Variants in CRTC3 observed in about 807,000 individuals in gnomAD.
CRTC3 encodes the protein CREB regulated transcription coactivator 3.
Under a neutral mutation model 74.5 loss-of-function variants are expected in CRTC3, and 26 were observed. The ratio of observed to expected loss-of-function variants is 0.35; its 90% CI spans 0.26 to 0.48. The LOEUF is 0.48. Among genes scored for constraint, CRTC3 ranks in the 20% least tolerant of loss-of-function variants. CRTC3 has a pLI of 0.99. For missense variants in CRTC3, 760 were observed against 787.3 expected (o/e 0.97, Z 0.41); for synonymous variants, 377 against 325.8 (o/e 1.16, Z -1.69).
intron 9 of CRTC3, among the ~76,000 whole-genome samples, chr15:90,623,143 C>T (rs954443480): frequency 6.6e-6 from 1 of 152,158 alleles, no homozygotes; most frequent in African/African-American, 2.4e-5. Context: ...CCTGGCCCTC[C>T]TCCCGCTGGA....
intron 4 of CRTC3, among the ~76,000 whole-genome samples, chr15:90,604,032 A>G (rs1029440739): frequency 1.3e-5 from 2 of 152,036 alleles, no homozygotes; most frequent in Non-Finnish European, 2.9e-5. Context: ...TAACAATTCT[A>G]TTCCTCTTCA....
chr15:90,564,460 T>C (rs920405724), intron 2 of CRTC3, among the ~76,000 whole-genome samples: 2 of 152,208 alleles, frequency 1.3e-5, no homozygotes, highest in African/African-American at 4.8e-5. Context: ...GACCAGAAGC[T>C]AGACCCTCCT....
Position 90,638,442 on chromosome 15 carries a change from G to A in CRTC3, c.1267-4G>A, listed in dbSNP as rs1389152667. 4 of 1,613,534 alleles carry A rather than the reference G, an allele frequency of 2.5e-6. No individual in the cohort carries two copies. The highest frequency in any genetic ancestry group is 3.4e-6 in the Non-Finnish European group (4 of 1,179,668). On this transcript the variant is annotated splice_region_variant and splice_polypyrimidine_tract_variant and intron_variant, in intron 11 of 14. Transcript: ENST00000268184. ...ATTAGTGGCTTTGTGTGTTTGTTTT[G>A]CAGATGGTGTCCTCAGACCGAAGCC...
At chr15:90,638,079 G>A (rs1189359350) in intron 11 of CRTC3, 1 of 226,386 alleles carries the variant, frequency 4.4e-6, no homozygotes, top group Admixed American at 5.1e-5. Flanking sequence ...TGTTTTAACA[G>A]GATTTGGGGA....
chr15:90,535,875 TGAGGCTTAGA>T (rs1966711085), intron 1 of CRTC3, among the ~76,000 whole-genome samples: 1 of 152,160 alleles, frequency 6.6e-6, no homozygotes, highest in African/African-American at 2.4e-5. Context: ...ATGAGTAAAC[TGAGGCTTAGA>T]GAGGCATGGT....
chr15:90,555,749 T>G (rs1387243019), intron 2 of CRTC3, among the ~76,000 whole-genome samples: 2 of 152,202 alleles, frequency 1.3e-5, no homozygotes, highest in African/African-American at 4.8e-5. Context: ...ACTCCTGACC[T>G]CAAGTGATCT....
At chr15:90,580,909 A>C (rs556611027) in intron 2 of CRTC3, among the ~76,000 whole-genome samples, 3 of 149,960 alleles carry the variant, frequency 2.0e-5, no homozygotes, top group Non-Finnish European at 3.0e-5. Flanking sequence ...ATGATGAATT[A>C]AAAAAAAAAA....
At chr15:90,584,458 A>C (rs1203372389) in intron 2 of CRTC3, among the ~76,000 whole-genome samples, 3 of 152,106 alleles carry the variant, frequency 2.0e-5, no homozygotes, top group Non-Finnish European at 4.4e-5. Context: ...GCTGGTCTCG[A>C]ACTCCTGACC....
rs560375464 is a variant in CRTC3 at position 90,593,524 on chromosome 15, A to G, written c.232-112A>G. On this transcript the variant is annotated intron_variant, in intron 2 of 14. Coordinates refer to ENST00000268184, the MANE Select transcript of CRTC3 (RefSeq NM_022769.5). ...TTGACCCAAGGCCCACTAATGTATA[A>G]TAAGTAAAACTGTAAAATCGGTCCT... 30 of 1,267,340 alleles carry G rather than the reference A, an allele frequency of 2.4e-5. No homozygotes were observed. The African/African-American group carries it at 3.7e-4, about 16-fold the overall frequency. 78.5% of individuals were successfully genotyped at this position (1,267,340 alleles called of 1,614,324 possible).
chr15:90,625,302 GATGA>G (rs1255379205), intron 9 of CRTC3, among the ~76,000 whole-genome samples: 1 of 152,240 alleles, frequency 6.6e-6, no homozygotes, highest in Non-Finnish European at 1.5e-5. Flanking sequence ...CATAGATTGT[GATGA>G]ATGAATGGCA....
Position 90,618,142 on chromosome 15 carries a change from C to T in CRTC3, c.699+174C>T, listed in dbSNP as rs1968542617. Reference sequence around the variant, plus strand: ...GACGTTTCAAGTAAAAATTATCGCGCTTGTGTCAATGAATTAGCACATTGA... The same window carrying T: ...GACGTTTCAAGTAAAAATTATCGCGTTTGTGTCAATGAATTAGCACATTGA... On this transcript the variant is annotated intron_variant, in intron 8 of 14. Coordinates refer to ENST00000268184, the MANE Select transcript of CRTC3 (RefSeq NM_022769.5). 7 of 413,260 alleles carry T rather than the reference C, an allele frequency of 1.7e-5. No homozygotes were observed. In the East Asian group the frequency reaches 2.6e-4, roughly 15 times the overall value. The allele number at this position is 413,260 out of a possible 1,614,324, so 25.6% of individuals were successfully genotyped here. A position where few individuals can be genotyped will look rare whatever the true frequency, so the allele number is the denominator to read the frequency against.
At chr15:90,554,518 A>G (rs998947564) in intron 2 of CRTC3, among the ~76,000 whole-genome samples, 2 of 152,144 alleles carry the variant, frequency 1.3e-5, no homozygotes, top group African/African-American at 4.8e-5. Context: ...ATTTCCTCTT[A>G]TAATTGTTCC....
Position 90,644,485 on chromosome 15 carries a change from C to G in CRTC3, c.*2345C>G, listed in dbSNP as rs992895146. 8.6e-5 allele frequency: 19 copies of G among 220,802 alleles called. No individual in the cohort carries two copies. Among genetic ancestry groups the G allele is most frequent in the Non-Finnish European group, 1.6e-4 (18 of 112,282 alleles). 13.7% of individuals were successfully genotyped at this position (220,802 alleles called of 1,614,324 possible). A position where few individuals can be genotyped will look rare whatever the true frequency, so the allele number is the denominator to read the frequency against. ...AGCCACCCTGCCTGGCAACAGAGACCCCAAGACCTACACAGTGAACCCTAC... is the reference window on the plus strand; with the variant it reads ...AGCCACCCTGCCTGGCAACAGAGACGCCAAGACCTACACAGTGAACCCTAC... On this transcript the variant is annotated 3_prime_UTR_variant, in exon 15 of 15. Transcript: ENST00000268184.
At chr15:90,545,866 C>CCG (rs1567161125) in intron 2 of CRTC3, among the ~76,000 whole-genome samples, 3 of 152,238 alleles carry the variant, frequency 2.0e-5, no homozygotes, top group East Asian at 1.9e-4. Context: ...GCGTGAGCCA[C>CCG]TGCGCCTGGC....
Position 90,638,480 on chromosome 15 carries a change from T to C in CRTC3, c.1301T>C (p.Leu434Pro). 6.2e-7 allele frequency: 1 copy of C among 1,614,104 alleles called. No homozygotes were observed. Among genetic ancestry groups the C allele is most frequent in the African/African-American group, 1.3e-5 (1 of 75,048 alleles). ...VSSDRSQLSF[L>P]PTEAQAQVSP... ...TCAGACCGAAGCCAACTTTCCTTTC[T>C]GCCCACAGAAGCTCAAGCCCAGGTG... Residue 434 changes from leucine (L) to proline (P), a missense_variant, in exon 12 of 15, where the codon CTG (leucine) becomes CCG (proline). Physicochemically the swap from Leu to Pro is moderately conservative, Grantham distance 98. Around this residue, in one of 2 missense-constraint regions of CRTC3, gnomAD observed 652 missense variants for 635.2 expected, o/e 1.03. Transcript: ENST00000268184.
chr15:90,621,649 C>T (rs7180658), intron 9 of CRTC3, among the ~76,000 whole-genome samples: 3,219 of 152,072 alleles, frequency 0.021, 126 homozygotes, highest in African/African-American at 0.073. Flanking sequence ...ATAGATAGGG[C>T]CTTGCTATGT....
chr15:90,580,257 T>C (rs950918190), intron 2 of CRTC3, among the ~76,000 whole-genome samples: 1 of 152,080 alleles, frequency 6.6e-6, no homozygotes, highest in Non-Finnish European at 1.5e-5. Flanking sequence ...GGTTCAGCAC[T>C]GAAGCCGGGA....
In CRTC3 at chr15:90,607,453, G is replaced by A. The variant is rs1318796956; in HGVS notation, c.552G>A (p.Gln184=). Residue 184 remains glutamine, a synonymous_variant, in exon 6 of 15, where the codon CAG becomes CAA. Transcript: ENST00000268184. ...AGGACCCCTATGGAGGAGGGGGCCA[G>A]TCGGCCTGGCCTGCCCCATACATGG... ...KPQDPYGGGG[Q]SAWPAPYMGF... 2 of 1,612,150 alleles carry A rather than the reference G, an allele frequency of 1.2e-6. No individual in the cohort carries two copies. The highest frequency in any genetic ancestry group is 2.2e-5 in the South Asian group (2 of 90,852).
At chr15:90,639,249 G>T (rs1969352834) in intron 13 of CRTC3, among the ~76,000 whole-genome samples, 1 of 152,130 alleles carries the variant, frequency 6.6e-6, no homozygotes, top group African/African-American at 2.4e-5. Context: ...CCTGGGGAGA[G>T]CTCAGTCCTG....
Sources: allele counts gnomAD v4.1 joint callset (sites outside exome capture counted in the v4.1 genomes callset), GRCh38; gene constraint gnomAD v4.1.1; regional missense constraint gnomAD v4.1.1; transcripts MANE v1.5; gene names NCBI Gene and HGNC (gene_info 2026-07-23, HGNC 2026-07-21).